Variants in DBH observed in about 807,000 individuals in gnomAD.
DBH encodes dopamine beta-hydroxylase, also known as dopamine beta-hydroxylase (dopamine beta-monooxygenase).
DBH carries 49 observed loss-of-function variants against 64.0 expected under a neutral mutation model. The observed-to-expected ratio is 0.77, with a 90% CI of 0.61 to 0.97. The LOEUF (loss-of-function observed/expected upper bound fraction) is 0.97, where lower values mean the gene tolerates loss of function less well. Among genes scored for constraint, DBH ranks in the 50% least tolerant of loss-of-function variants. The pLI is 0.00. For synonymous variants in DBH, 343 were observed against 347.1 expected (o/e 0.99, Z 0.13); for missense variants, 828 against 826.6 (o/e 1.00, Z -0.02).
chr9:133,647,726 G>A (rs1259078069), intron 5 of DBH, 120 bp from the exon 6 acceptor site: 22 of 1,239,414 alleles, frequency 1.8e-5, no homozygotes, highest in East Asian at 2.5e-5. Context: ...AGCAGATGGG[G>A]GGTGACCGGC....
At chr9:133,642,517 G>T in intron 3 of DBH, 53 bp downstream of exon 3, 1 of 1,553,592 alleles carries the variant, frequency 6.4e-7, no homozygotes, top group Non-Finnish European at 8.7e-7. Context: ...TTCCTCCCGG[G>T]CCTGGGTTGT....
intron 5 of DBH, 100 bp downstream of exon 5, chr9:133,644,420 C>T (rs993475126): frequency 2.3e-5 from 21 of 922,836 alleles, no homozygotes; most frequent in East Asian, 1.3e-4. Context: ...ATGGTGCCCC[C>T]GCTGTACAGC....
At position 133,658,365 on chromosome 9, in the gene DBH, A is replaced by T. The variant is rs75512464; in HGVS notation, c.1772A>T (p.Glu591Val). ...CCCAAGGTCATCTCCACACTGGAAG[A>T]GCCCACCCCACAGTGCCCCACCAGC... is the stretch of plus-strand genomic sequence containing the variant. ...PLPKVISTLE[E>V]PTPQCPTSQG... The change falls in exon 12 of 12, where the codon GAG (glutamate) becomes GTG (valine). Residue 591 changes from glutamate (E) to valine (V), a missense_variant. Physicochemically the swap from Glu to Val is moderately radical, Grantham distance 121. Transcript: ENST00000393056. 1.1e-3 allele frequency: 1,728 copies of T among 1,613,746 alleles called. 2 individuals carry two copies. The highest frequency in any genetic ancestry group is 1.4e-3 in the Non-Finnish European group (1,652 of 1,179,848).
At chr9:133,657,440 GAGGA>G (rs1832343194) in intron 11 of DBH, 53 of 538,880 alleles carry the variant, frequency 9.8e-5, no homozygotes, top group Non-Finnish European at 1.5e-4. Flanking sequence ...AGAGGAGAGA[GAGGA>G]GAGAGAGGAG....
Position 133,658,364 on chromosome 9 carries a change from G to A in DBH, c.1771G>A (p.Glu591Lys). Residue 591 changes from glutamate (E) to lysine (K), a missense_variant, in exon 12 of 12, where the codon GAG (glutamate) becomes AAG (lysine). Transcript: ENST00000393056. ...GCCCAAGGTCATCTCCACACTGGAA[G>A]AGCCCACCCCACAGTGCCCCACCAG... ...PLPKVISTLE[E>K]PTPQCPTSQG... The A allele has an allele frequency of 7.4e-6, 12 of 1,613,922 alleles. No homozygotes were observed. The highest frequency in any genetic ancestry group is 1.0e-5 in the Non-Finnish European group (12 of 1,179,922).
chr9:133,657,691 T>G (rs1198696926), intron 11 of DBH, among the ~76,000 whole-genome samples: 1 of 151,340 alleles, frequency 6.6e-6, no homozygotes, highest in African/African-American at 2.4e-5. Context: ...AGTCTGAAGC[T>G]GCGAGCTGGT....
intron 5 of DBH, among the ~76,000 whole-genome samples, chr9:133,646,428 G>T (rs943801724): frequency 6.6e-6 from 1 of 152,204 alleles, no homozygotes; most frequent in Admixed American, 6.5e-5. Flanking sequence ...TCAGAGCCTG[G>T]CTGCTGATTC....
intron 7 of DBH, 71 bp from the exon 8 acceptor site, chr9:133,652,175 A>C: frequency 6.3e-7 from 1 of 1,581,404 alleles, no homozygotes. Context: ...GGGAGGACAC[A>C]GTGGCCGGGG....
At chr9:133,644,028 C>A (rs1375758468) in intron 4 of DBH, among the ~76,000 whole-genome samples, 190 bp from the exon 5 acceptor site, 1 of 152,302 alleles carries the variant, frequency 6.6e-6, no homozygotes, top group South Asian at 2.1e-4. Context: ...AACTCCCTGA[C>A]CCGAGTCTCA....
chr9:133,651,400 G>C (rs78496782), intron 6 of DBH, among the ~76,000 whole-genome samples: 4,353 of 152,328 alleles, frequency 0.029, 215 homozygotes, highest in African/African-American at 0.099. Flanking sequence ...AGTCGCTCCT[G>C]AGTGGGACTA....
chr9:133,653,012 C>A lies in DBH; in HGVS notation c.1434+13C>A. ...GCTGGCCACAGTGGTAAGTCACCCC[C>A]GCTTCCCCCTGCACCTGCCCAGGGC... is the stretch of plus-strand genomic sequence containing the variant. On this transcript the variant is annotated intron_variant, in intron 9 of 11. Coordinates refer to ENST00000393056, the MANE Select transcript of DBH (RefSeq NM_000787.4). The A allele has an allele frequency of 6.2e-7, 1 of 1,605,482 alleles. No individual in the cohort carries two copies. Among genetic ancestry groups the A allele is most frequent in the Non-Finnish European group, 8.5e-7 (1 of 1,172,478 alleles).
intron 3 of DBH, among the ~76,000 whole-genome samples, chr9:133,642,812 C>T (rs1409375242): frequency 1.3e-5 from 2 of 152,248 alleles, no homozygotes; most frequent in Non-Finnish European, 2.9e-5. Flanking sequence ...AACTCACTTG[C>T]TCTCGAACAC....
intron 11 of DBH, among the ~76,000 whole-genome samples, chr9:133,657,917 T>C (rs779823594): frequency 1.3e-5 from 2 of 152,212 alleles, no homozygotes; most frequent in Non-Finnish European, 2.9e-5. Flanking sequence ...GGGCTAATAC[T>C]GGCTTGCTGA....
chr9:133,637,877 AT>A (rs1042096763), intron 1 of DBH, among the ~76,000 whole-genome samples: 1 of 152,186 alleles, frequency 6.6e-6, no homozygotes, highest in African/African-American at 2.4e-5. Flanking sequence ...GGCTGCACAG[AT>A]TCCTGTGCAC....
intron 1 of DBH, among the ~76,000 whole-genome samples, chr9:133,638,802 C>T (rs1832081392): frequency 6.6e-6 from 1 of 152,096 alleles, no homozygotes; most frequent in South Asian, 2.1e-4. Context: ...CTAAGAAGGG[C>T]CCTTCTTGAG....
chr9:133,637,079 A>G (rs1457235456), intron 1 of DBH, among the ~76,000 whole-genome samples: 2 of 152,210 alleles, frequency 1.3e-5, no homozygotes, highest in Non-Finnish European at 2.9e-5. Flanking sequence ...AACAATGCCT[A>G]GTACCACGTC....
In DBH at chr9:133,636,599, C is replaced by T; in HGVS notation, c.228C>T (p.Leu76=). ...CCCAGGAGGCCATCCATTTCCAGCT[C>T]CTGGTGCGGAGGCTCAAGGCTGGCG... The part of the protein sequence containing the change: ...SYTQEAIHFQ[L]LVRRLKAGVL... Residue 76 remains leucine (L), a synonymous_variant, in exon 1 of 12, where the codon CTC becomes CTT. Transcript: ENST00000393056. 2.5e-6 allele frequency: 4 copies of T among 1,613,822 alleles called. No homozygotes were observed. Among genetic ancestry groups the T allele is most frequent in the Non-Finnish European group, 3.4e-6 (4 of 1,180,016 alleles).
At chr9:133,658,161 C>A (rs963502514) in intron 11 of DBH, among the ~76,000 whole-genome samples, 155 bp from the exon 12 acceptor site, 1 of 152,016 alleles carries the variant, frequency 6.6e-6, no homozygotes, top group Non-Finnish European at 1.5e-5. Context: ...AGGTGAGGAC[C>A]CCCAAAAAGC....
chr9:133,652,932 T>C lies in DBH; in HGVS notation c.1375-8T>C. ...CAGGTGCTGATGGTCACATTGGCTT[T>C]TCCTCAGGGAGATGTGCTCATCACC... is the stretch of plus-strand genomic sequence containing the variant. On this transcript the variant is annotated splice_polypyrimidine_tract_variant and splice_region_variant and intron_variant, in intron 8 of 11. Coordinates refer to ENST00000393056, the MANE Select transcript of DBH (RefSeq NM_000787.4). 1.9e-6 allele frequency: 3 copies of C among 1,612,908 alleles called. No homozygotes were observed. Among genetic ancestry groups the C allele is most frequent in the East Asian group, 2.2e-5 (1 of 44,870 alleles).
Sources: gnomAD v4.1 joint callset for allele counts (sites outside exome capture counted in the v4.1 genomes callset) on GRCh38, gnomAD v4.1.1 for gene constraint, MANE v1.5 for transcripts, NCBI Gene and HGNC (gene_info 2026-07-23, HGNC 2026-07-21) for gene names.